Variants in E2F7 observed in about 807,000 individuals in gnomAD.
E2F7 encodes the protein E2F transcription factor 7.
A neutral mutation model predicts 81.1 loss-of-function variants in E2F7; 35 were observed. That is an observed-to-expected ratio of 0.43 (90% confidence interval 0.33 to 0.57). E2F7 has a LOEUF of 0.57. Among genes scored for constraint, E2F7 ranks in the 20% least tolerant of loss-of-function variants. E2F7 has a pLI of 0.04. For synonymous variants in E2F7, 416 were observed against 416.2 expected (o/e 1.00, Z 0.01); for missense variants, 961 against 1,093.7 (o/e 0.88, Z 1.71).
chr12:77,042,280 G>A (rs556780634), intron 7 of E2F7, among the ~76,000 whole-genome samples: 1 of 152,304 alleles, frequency 6.6e-6, no homozygotes, highest in East Asian at 1.9e-4. Context: ...ATTTTAAGTG[G>A]TTTCATCTAG....
In E2F7 at chr12:77,024,347, C is replaced by T. The variant is rs565340900; in HGVS notation, c.2566-162G>A. ...TACCCCGTTTGTCTCCCCTGCTTAC[C>T]ACAACTGAAAATTAAATTCATATTT... On this transcript the variant is annotated intron_variant, in intron 12 of 12. Transcript: ENST00000322886. Among the ~76,000 whole-genome samples the T allele has an allele frequency of 8.5e-5, 13 of 152,156 alleles. No individual in the cohort carries two copies. In the South Asian group the frequency reaches 2.7e-3, roughly 32 times the overall value.
chr12:77,060,816 T>G (rs1955071773), intron 2 of E2F7, among the ~76,000 whole-genome samples: 1 of 152,226 alleles, frequency 6.6e-6, no homozygotes, highest in South Asian at 2.1e-4. Flanking sequence ...CAATCCACAC[T>G]GAGGGTTTCC....
chr12:77,028,411 C>T (rs887292994), intron 10 of E2F7, among the ~76,000 whole-genome samples: 1 of 151,746 alleles, frequency 6.6e-6, no homozygotes, highest in Non-Finnish European at 1.5e-5. Context: ...AAGCTGGTCT[C>T]GAACTCCTGA....
chr12:77,035,112 C>G (rs1177492923), intron 7 of E2F7, among the ~76,000 whole-genome samples: 1 of 152,088 alleles, frequency 6.6e-6, no homozygotes, highest in Non-Finnish European at 1.5e-5. Context: ...ATAGGGTGAG[C>G]TCTATAATGA....
intron 2 of E2F7, among the ~76,000 whole-genome samples, chr12:77,058,177 G>C (rs1321793884): frequency 6.6e-6 from 1 of 152,146 alleles, no homozygotes; most frequent in Non-Finnish European, 1.5e-5. Context: ...CTGTTAGTGT[G>C]CTATTCTGAT....
chr12:77,030,356 G>T lies in E2F7; in HGVS notation c.1383-24C>A, dbSNP rs113254062. On this transcript the variant is annotated intron_variant, in intron 9 of 12. Coordinates refer to ENST00000322886, the MANE Select transcript of E2F7 (RefSeq NM_203394.3). ...CCCTATAATAAAAAAGAAACGTAAC[G>T]AAGTTAGCACATTCTACCAACTCCT... is the stretch of plus-strand genomic sequence containing the variant. 3,387 of 1,517,556 alleles carry T rather than the reference G, an allele frequency of 2.2e-3. 56 individuals carry two copies. In the African/African-American group the frequency reaches 0.041, roughly 18 times the overall value. 94.0% of individuals were successfully genotyped at this position (1,517,556 alleles called of 1,614,324 possible).
intron 7 of E2F7, among the ~76,000 whole-genome samples, chr12:77,040,300 G>T (rs753837369): frequency 2.0e-5 from 3 of 152,110 alleles, no homozygotes; most frequent in Non-Finnish European, 2.9e-5. Context: ...CAGCTTTCTT[G>T]TGCTAAGAAA....
At chr12:77,042,847 A>G (rs1242968846) in intron 7 of E2F7, among the ~76,000 whole-genome samples, 1 of 152,198 alleles carries the variant, frequency 6.6e-6, no homozygotes, top group Non-Finnish European at 1.5e-5. Context: ...AAACTCCCAT[A>G]TTATAAACAC....
In E2F7 at chr12:77,028,043, A is replaced by G. The variant is rs1297450375; in HGVS notation, c.1980T>C (p.Pro660=). The part of the protein sequence containing the change: ...LKDIHVNGQL[P]AAEEISGKAT... ...CCTTTCCTGAAATCTCTTCTGCAGC[A>G]GGGAGTTGGCCATTCACATGAATGT... The change falls in exon 11 of 13, where the codon CCT becomes CCC. Residue 660 remains proline (P), a synonymous_variant. Coordinates refer to ENST00000322886, the MANE Select transcript of E2F7 (RefSeq NM_203394.3). 1 of 1,614,246 alleles carries G rather than the reference A, an allele frequency of 6.2e-7. No individual in the cohort carries two copies.
chr12:77,044,723 G>C lies in E2F7; in HGVS notation c.902C>G (p.Ser301Cys). The C allele has an allele frequency of 6.2e-7, 1 of 1,614,106 alleles. No homozygotes were observed. Residue 301 changes from serine to cysteine, a missense_variant, in exon 6 of 13, where the codon TCC becomes TGC. By Grantham distance (112) the Ser-to-Cys change is moderately radical. Transcript: ENST00000322886. ...ATCCAGAGTGACAATCTTGGTTTTG[G>C]AGACGAGGAACAGCATGACAAACTT... ...SQKFVMLFLV[S>C]KTKIVTLDVA...
In E2F7 at chr12:77,033,937, G is replaced by A; in HGVS notation, c.1229C>T (p.Ser410Phe). 1 of 1,614,180 alleles carries A rather than the reference G, an allele frequency of 6.2e-7. No individual in the cohort carries two copies. Among genetic ancestry groups the A allele is most frequent in the Non-Finnish European group, 8.5e-7 (1 of 1,180,014 alleles). The change falls in exon 8 of 13, where the codon TCT (serine) becomes TTT (phenylalanine). Residue 410 changes from serine (S) to phenylalanine (F), a missense_variant. This residue lies in a region of E2F7 where 587 missense variants were observed against 620.3 expected (regional missense o/e 0.95). Coordinates refer to ENST00000322886, the MANE Select transcript of E2F7 (RefSeq NM_203394.3). ...CTCAGAAGCCTGAACTGTGTTAAAA[G>A]AACCATGGCGAGCCAGCTTCTGTTT... Reference protein sequence around the residue: ...CAKQKLARHGSFNTVQASERI... With the variant: ...CAKQKLARHGFFNTVQASERI...
chr12:77,051,682 A>G (rs75567199), intron 3 of E2F7, among the ~76,000 whole-genome samples: 11,298 of 152,322 alleles, frequency 0.074, 491 homozygotes, highest in Middle Eastern at 0.12. Context: ...AACTTCTTCA[A>G]TGAAAGGTAT....
chr12:77,057,396 A>G (rs1302479405), intron 2 of E2F7, among the ~76,000 whole-genome samples: 1 of 151,626 alleles, frequency 6.6e-6, no homozygotes, highest in Non-Finnish European at 1.5e-5. Flanking sequence ...TTTTGTAGAG[A>G]TCGGGGTCTC....
chr12:77,038,080 C>T (rs552595728), intron 7 of E2F7, among the ~76,000 whole-genome samples: 32 of 152,062 alleles, frequency 2.1e-4, no homozygotes, highest in Non-Finnish European at 1.9e-4. Flanking sequence ...ATAAAAGGGT[C>T]AGTTCATCAA....
chr12:77,028,161 G>A, intron 10 of E2F7, 23 bp from the exon 11 acceptor site: 1 of 1,586,350 alleles, frequency 6.3e-7, no homozygotes. Context: ...AAACCAGGAA[G>A]CAAGAAAGTA....
rs1460982930 is a variant in E2F7, at chr12:77,024,119, C to G, written c.2632G>C (p.Gly878Arg). ...THRETFFKTP[G>R]SLGDPVLKRR... ...TTCAGGACAGGGTCTCCAAGGCTGC[C>G]GGGTGTCTTGAAAAACGTCTCACGA... The change falls in exon 13 of 13, where the codon GGC becomes CGC. Residue 878 changes from glycine (G) to arginine (R), a missense_variant. Gly to Arg is a moderately radical substitution (Grantham distance 125). Transcript: ENST00000322886. 1.2e-6 allele frequency: 2 copies of G among 1,613,760 alleles called. No individual in the cohort carries two copies. Among genetic ancestry groups the G allele is most frequent in the East Asian group, 2.2e-5 (1 of 44,860 alleles).
chr12:77,044,936 C>T (rs777969633), intron 5 of E2F7, 141 bp from the exon 6 acceptor site: 64 of 983,976 alleles, frequency 6.5e-5, no homozygotes, highest in Admixed American at 3.2e-4. Flanking sequence ...ACTGGATACA[C>T]ATCACAGAAG....
At chr12:77,061,578 A>T (rs1452427023) in intron 2 of E2F7, among the ~76,000 whole-genome samples, 1 of 152,226 alleles carries the variant, frequency 6.6e-6, no homozygotes, top group East Asian at 1.9e-4. Context: ...AGGCATAGTA[A>T]CTTCGGGTAA....
chr12:77,055,727 A>G, intron 3 of E2F7, 128 bp downstream of exon 3: 1 of 1,040,548 alleles, frequency 9.6e-7, no homozygotes, highest in Non-Finnish European at 1.3e-6. Context: ...CTACAAATCA[A>G]AAGATATTCA....
Sources: gnomAD v4.1 joint callset for allele counts (sites outside exome capture counted in the v4.1 genomes callset) on GRCh38, gnomAD v4.1.1 for gene constraint, gnomAD v4.1.1 regional missense constraint, MANE v1.5 for transcripts, NCBI Gene and HGNC (gene_info 2026-07-23, HGNC 2026-07-21) for gene names.